TMPO: variants seen among roughly 807,000 people sequenced by gnomAD.
TMPO encodes the protein thymopoietin.
A neutral mutation model predicts 45.4 loss-of-function variants in TMPO; 22 were observed. That is an observed-to-expected ratio of 0.48 (90% confidence interval 0.35 to 0.69). The LOEUF is 0.69. TMPO is among the 30% of genes least tolerant of loss of function. The pLI is 0.01. For missense variants in TMPO, 512 were observed against 548.8 expected (o/e 0.93, Z 0.67); for synonymous variants, 241 against 204.1 (o/e 1.18, Z -1.54).
At position 98,515,614 on chromosome 12, in the gene TMPO, T is replaced by A. The variant is rs1875712288; in HGVS notation, c.-254T>A. The A allele has an allele frequency of 1.6e-6, 1 of 635,134 alleles. No homozygotes were observed. 39.3% of individuals were successfully genotyped at this position (635,134 alleles called of 1,614,324 possible). On this transcript the variant is annotated 5_prime_UTR_variant, in exon 1 of 9. Coordinates refer to ENST00000556029, the MANE Select transcript of TMPO (RefSeq NM_001032283.3). ...CGAAGCAGGCTGCTCGCCTCCTGCC[T>A]GTAGTGTGTGGGCTGGGGTTGGTGC...
At chr12:98,537,238 A>G (rs529508913) in intron 3 of TMPO, among the ~76,000 whole-genome samples, 5 of 152,238 alleles carry the variant, frequency 3.3e-5, no homozygotes, top group Non-Finnish European at 2.9e-5. Flanking sequence ...GAGAATAGGT[A>G]GGAAGAAGTG....
chr12:98,516,299 G>A (rs1592925125), intron 1 of TMPO, 153 bp downstream of exon 1: 6 of 1,235,882 alleles, frequency 4.9e-6, no homozygotes, highest in Non-Finnish European at 6.0e-6. Context: ...CTTCCCCGCG[G>A]GGCTGCAGGC....
At chr12:98,547,406 A>G (rs1158692319) in intron 8 of TMPO, among the ~76,000 whole-genome samples, 167 bp from the exon 9 acceptor site, 1 of 152,206 alleles carries the variant, frequency 6.6e-6, no homozygotes, top group Admixed American at 6.5e-5. Flanking sequence ...AATATGTAGA[A>G]GTTTTAAATA....
chr12:98,518,541 C>T (rs1175983988), intron 1 of TMPO, among the ~76,000 whole-genome samples: 4 of 137,994 alleles, frequency 2.9e-5, no homozygotes, highest in South Asian at 2.4e-4. Context: ...GAACTCTTGG[C>T]CTCAAGCAAT....
At chr12:98,535,739 C>A in intron 3 of TMPO, 1 of 813,882 alleles carries the variant, frequency 1.2e-6, no homozygotes, top group Non-Finnish European at 1.5e-6. Context: ...ATCATTGAAA[C>A]TCACTTTGAC....
In TMPO at chr12:98,544,989, T is replaced by A. The variant is rs762164538; in HGVS notation, c.918T>A (p.Ser306=). ...NRVTGNFKHA[S]PILPITEFSD... ...TGACTGGAAATTTCAAGCATGCATC[T>A]CCTATTCTGCCAATCACTGAATTCT... Residue 306 remains serine, a synonymous_variant, in exon 7 of 9, where the codon TCT becomes TCA. Transcript: ENST00000556029. The A allele has an allele frequency of 6.2e-7, 1 of 1,613,668 alleles. No individual in the cohort carries two copies. Among genetic ancestry groups the A allele is most frequent in the East Asian group, 2.2e-5 (1 of 44,844 alleles).
intron 1 of TMPO, 101 bp downstream of exon 1, chr12:98,516,247 C>T (rs957413225): frequency 1.6e-5 from 21 of 1,301,370 alleles, no homozygotes; most frequent in Admixed American, 8.5e-5. Context: ...CCCCTCGGGC[C>T]TCCCAGGTGC....
At chr12:98,534,898 C>T in intron 3 of TMPO, 1 of 981,028 alleles carries the variant, frequency 1.0e-6, no homozygotes, top group East Asian at 1.1e-4. Context: ...CTCAAAGCAC[C>T]AGTCTACAAA....
chr12:98,528,251 C>CTTTTTT (rs72519624), intron 2 of TMPO, among the ~76,000 whole-genome samples: 27 of 131,388 alleles, frequency 2.1e-4, no homozygotes, highest in African/African-American at 7.5e-4. Context: ...TTATATCGTA[C>CTTTTTT]TTTTTTTTTT....
Position 98,537,482 on chromosome 12 carries a change from A to G in TMPO, c.573A>G (p.Lys191=), listed in dbSNP as rs1469948877. The G allele has an allele frequency of 1.2e-6, 2 of 1,612,450 alleles. No individual in the cohort carries two copies. The highest frequency in any genetic ancestry group is 2.2e-5 in the South Asian group (2 of 90,992). ...DRYSDNEEDS[K]IELKLEKREP... is the part of the protein sequence containing the mutation. ...CTCCAATGTTATTTCCAGACTCTAAAATAGAGCTCAAGCTTGAGAAGAGAG... is the reference window on the plus strand; with the variant it reads ...CTCCAATGTTATTTCCAGACTCTAAGATAGAGCTCAAGCTTGAGAAGAGAG... The change falls in exon 4 of 9, where the codon AAA becomes AAG. Residue 191 remains lysine (K), a synonymous_variant. Coordinates refer to ENST00000556029, the MANE Select transcript of TMPO (RefSeq NM_001032283.3).
chr12:98,531,178 G>A (rs149711006), intron 2 of TMPO, among the ~76,000 whole-genome samples: 54 of 149,772 alleles, frequency 3.6e-4, no homozygotes, highest in African/African-American at 1.3e-3. Flanking sequence ...GACCTTAGGT[G>A]ATCCACCCGC....
At chr12:98,533,500 T>A (rs200367787) in intron 3 of TMPO, 1 of 1,614,176 alleles carries the variant, frequency 6.2e-7, no homozygotes. Context: ...AATTGATCAG[T>A]CTAAGTTTCA....
intron 1 of TMPO, among the ~76,000 whole-genome samples, chr12:98,522,802 G>C (rs1876468738): frequency 6.6e-6 from 1 of 152,206 alleles, no homozygotes; most frequent in Non-Finnish European, 1.5e-5. Context: ...AGTTTTCTGA[G>C]TTGTCAGATG....
At position 98,549,625 on chromosome 12, in the gene TMPO, A is replaced by G. The variant is rs1878423544; in HGVS notation, c.*1767A>G. The G allele has an allele frequency of 1.3e-5, 2 of 152,226 alleles. No individual in the cohort carries two copies. The highest frequency in any genetic ancestry group is 1.9e-4 in the East Asian group (1 of 5,186). The allele number at this position is 152,226 out of a possible 1,614,324, so 9.4% of individuals were successfully genotyped here. ...TTTAAACTGACTCATTTGAGTTTCA[A>G]CTTTACAGTCATTGACCATAAAGCA... On this transcript the variant is annotated 3_prime_UTR_variant, in exon 9 of 9. Coordinates refer to ENST00000556029, the MANE Select transcript of TMPO (RefSeq NM_001032283.3).
rs1878350866 is a variant in TMPO at position 98,548,438 on chromosome 12, T to TA, written c.*581dup. 1 of 153,300 alleles carries TA rather than the reference T, an allele frequency of 6.5e-6. No homozygotes were observed. The highest frequency in any genetic ancestry group is 1.5e-5 in the Non-Finnish European group (1 of 68,564). The allele number at this position is 153,300 out of a possible 1,614,324, so 9.5% of individuals were successfully genotyped here. On this transcript the variant is annotated 3_prime_UTR_variant, in exon 9 of 9. Transcript: ENST00000556029. Reference sequence around the variant, plus strand: ...TAGTAATGTTGTTGTAGCCCTATCATACTCACTTTTTAAGACACAGTATCA... The same window carrying TA: ...TAGTAATGTTGTTGTAGCCCTATCATAACTCACTTTTTAAGACACAGTATCA...
Position 98,515,956 on chromosome 12 carries a change from G to T in TMPO, c.89G>T (p.Gly30Val). ...GCCAACAATGTGACGCTGCCGGCCG[G>T]GGAGCAGCGCAAAGACGTGTACGTC... ...LVANNVTLPAGEQRKDVYVQL... is the reference protein window; with the variant it reads ...LVANNVTLPAVEQRKDVYVQL... The change falls in exon 1 of 9, where the codon GGG becomes GTG. Residue 30 changes from glycine to valine, a missense_variant. By Grantham distance (109) the Gly-to-Val change is moderately radical (BLOSUM62 -3). Coordinates refer to ENST00000556029, the MANE Select transcript of TMPO (RefSeq NM_001032283.3). 2.5e-6 allele frequency: 4 copies of T among 1,613,326 alleles called. No individual in the cohort carries two copies. The highest frequency in any genetic ancestry group is 2.5e-6 in the Non-Finnish European group (3 of 1,179,858).
At chr12:98,518,470 C>CTTTTTTTTTTTTTTTTT (rs11437786) in intron 1 of TMPO, among the ~76,000 whole-genome samples, 4 of 83,516 alleles carry the variant, frequency 4.8e-5, no homozygotes, top group Admixed American at 1.4e-4. Flanking sequence ...ATTTTCTAAT[C>CTTTTTTTTTTTTTTTTT]TTTTTTTTTT....
At chr12:98,542,758 T>C (rs1385271359) in intron 4 of TMPO, among the ~76,000 whole-genome samples, 1 of 152,064 alleles carries the variant, frequency 6.6e-6, no homozygotes, top group Non-Finnish European at 1.5e-5. Flanking sequence ...CTCAGGAGGG[T>C]GAGGCAGGAG....
In TMPO at chr12:98,548,050, T is replaced by C; in HGVS notation, c.*192T>C. ...AAAATGTTTTTGAACTTTGGACTAG[T>C]AGGAGATCACTTTGTGCCATATGAA... On this transcript the variant is annotated 3_prime_UTR_variant, in exon 9 of 9. Transcript: ENST00000556029. 1.6e-6 allele frequency: 1 copy of C among 613,996 alleles called. No homozygotes were observed. The highest frequency in any genetic ancestry group is 2.7e-6 in the Non-Finnish European group (1 of 371,538). The allele number at this position is 613,996 out of a possible 1,614,324, so 38.0% of individuals were successfully genotyped here.
Sources: gnomAD v4.1 joint callset for allele counts (sites outside exome capture counted in the v4.1 genomes callset) on GRCh38, gnomAD v4.1.1 for gene constraint, MANE v1.5 for transcripts, NCBI Gene and HGNC (gene_info 2026-07-23, HGNC 2026-07-21) for gene names.